The following CDH20 variants were observed in gnomAD, a reference collection of about 807,000 sequenced individuals.
CDH20 encodes cadherin-20.
A neutral mutation model predicts 74.2 loss-of-function variants in CDH20; 29 were observed. The observed-to-expected ratio is 0.39, with a 90% CI of 0.29 to 0.53. The LOEUF (loss-of-function observed/expected upper bound fraction) is 0.53, where lower values mean the gene tolerates loss of function less well. Ranked by LOEUF, CDH20 falls within the 20% of genes least tolerant of loss-of-function variation. The pLI is 0.69. For synonymous variants in CDH20, 469 were observed against 405.4 expected, an observed-to-expected ratio of 1.16 and a Z score of -1.88; for missense variants, 988 against 1,048.3, an observed-to-expected ratio of 0.94 and a Z score of 0.79.
rs1408280292 is a variant in CDH20, at chr18:61,368,491, G to T, written c.-153+34664G>T. Among the ~76,000 whole-genome samples, 4 of 151,466 alleles carry T rather than the reference G, an allele frequency of 2.6e-5. No homozygotes were observed. The East Asian group carries it at 7.8e-4, about 29-fold the overall frequency. Reference sequence around the variant, plus strand: ...ACAGACTGACAACATATGTTTGGGGGTAAATAGATATTTTTACAAATCACA... The same window carrying T: ...ACAGACTGACAACATATGTTTGGGGTTAAATAGATATTTTTACAAATCACA... On this transcript the variant is annotated intron_variant, in intron 1 of 11. Transcript: ENST00000262717.
At chr18:61,434,150 A>T (rs866561312) in intron 1 of CDH20, among the ~76,000 whole-genome samples, 126 of 152,272 alleles carry the variant, frequency 8.3e-4, no homozygotes, top group African/African-American at 2.9e-3. Context: ...ATTCTATATG[A>T]AAAGAAAATC....
chr18:61,492,435 G>A (rs1910991536), intron 2 of CDH20, among the ~76,000 whole-genome samples: 1 of 151,884 alleles, frequency 6.6e-6, no homozygotes, highest in African/African-American at 2.4e-5. Flanking sequence ...TAAAATTTAA[G>A]TCACATCATG....
chr18:61,413,705 T>C (rs1048149302), intron 1 of CDH20, among the ~76,000 whole-genome samples: 3 of 151,136 alleles, frequency 2.0e-5, no homozygotes, highest in South Asian at 2.1e-4. Flanking sequence ...AACCTATTGG[T>C]GGAAATGTTA....
rs377173155 is a variant in CDH20, at chr18:61,551,185, A to G, written c.1900+956A>G. On this transcript the variant is annotated intron_variant, in intron 11 of 11. Transcript: ENST00000262717. ...ATTCCACACTCAAAAACAGTGAAAT[A>G]AAAACACCTAAACCAACTCTTGCAA... is the stretch of plus-strand genomic sequence containing the variant. Among the ~76,000 whole-genome samples the G allele has an allele frequency of 4.6e-5, 7 of 152,226 alleles. No homozygotes were observed. In the South Asian group the frequency reaches 6.2e-4, roughly 13 times the overall value.
chr18:61,488,928 G>T (rs1910861404), intron 1 of CDH20, among the ~76,000 whole-genome samples: 2 of 152,186 alleles, frequency 1.3e-5, no homozygotes, highest in South Asian at 4.2e-4. Context: ...TCCAAAGAGA[G>T]AGAGAACAGC....
chr18:61,549,848 T>C, intron 10 of CDH20, 130 bp from the exon 11 acceptor site: 2 of 967,980 alleles, frequency 2.1e-6, no homozygotes, highest in Non-Finnish European at 3.1e-6. Flanking sequence ...CCGCCATGGT[T>C]GACCACTACC....
chr18:61,487,251 C>T (rs1388385437), intron 1 of CDH20, among the ~76,000 whole-genome samples: 1 of 152,172 alleles, frequency 6.6e-6, no homozygotes, highest in Non-Finnish European at 1.5e-5. Flanking sequence ...CCACCCCAAA[C>T]ACATTATTGC....
intron 1 of CDH20, among the ~76,000 whole-genome samples, chr18:61,432,005 G>C (rs1364585129): frequency 2.0e-5 from 3 of 152,062 alleles, no homozygotes; most frequent in Non-Finnish European, 4.4e-5. Flanking sequence ...GGGATGTCGA[G>C]GCGGGCAGAT....
chr18:61,407,537 C>G (rs1026911778), intron 1 of CDH20, among the ~76,000 whole-genome samples: 2 of 152,118 alleles, frequency 1.3e-5, no homozygotes, highest in Non-Finnish European at 2.9e-5. Flanking sequence ...CCAAATTACG[C>G]AGGATCTTAG....
At chr18:61,539,241 C>T (rs1163124220) in intron 9 of CDH20, 96 bp downstream of exon 9, 1 of 1,229,788 alleles carries the variant, frequency 8.1e-7, no homozygotes, top group African/African-American at 1.5e-5. Flanking sequence ...ATTTTGACTC[C>T]AGAAACGAAC....
At chr18:61,510,061 C>T (rs545974809) in intron 6 of CDH20, among the ~76,000 whole-genome samples, 118 of 152,164 alleles carry the variant, frequency 7.8e-4, no homozygotes, top group African/African-American at 2.8e-3. Flanking sequence ...CAAGTAGAGA[C>T]ATGTCATGGC....
chr18:61,548,015 T>C (rs759176247), intron 10 of CDH20, among the ~76,000 whole-genome samples: 12 of 151,324 alleles, frequency 7.9e-5, no homozygotes, highest in Non-Finnish European at 1.3e-4. Context: ...ACCAAAAAAA[T>C]AAAAAAAAAG....
At chr18:61,434,251 T>C (rs1908754634) in intron 1 of CDH20, among the ~76,000 whole-genome samples, 1 of 152,112 alleles carries the variant, frequency 6.6e-6, no homozygotes, top group Admixed American at 6.5e-5. Context: ...AAGTCCACGA[T>C]GGGGCCAACT....
At chr18:61,370,541 T>C (rs977918051) in intron 1 of CDH20, among the ~76,000 whole-genome samples, 1 of 152,130 alleles carries the variant, frequency 6.6e-6, no homozygotes, top group African/African-American at 2.4e-5. Context: ...ATGTGATGTT[T>C]GGTAAACACA....
rs1352097624 is a variant in CDH20, at chr18:61,528,262, T to C, written c.1271+42T>C. ...CACCTTTTCCTTATATGCTGGAATC[T>C]TCCCTTCCCTTGTATGTAATTTTCT... On this transcript the variant is annotated intron_variant, in intron 7 of 11. Coordinates refer to ENST00000262717, the MANE Select transcript of CDH20 (RefSeq NM_031891.4). 3 of 1,591,910 alleles carry C rather than the reference T, an allele frequency of 1.9e-6. No homozygotes were observed. The African/African-American group carries it at 4.0e-5, about 21-fold the overall frequency.
intron 1 of CDH20, among the ~76,000 whole-genome samples, chr18:61,391,987 T>C (rs1174053906): frequency 1.3e-5 from 2 of 152,096 alleles, no homozygotes; most frequent in African/African-American, 4.8e-5. Flanking sequence ...CTCCTGTTGA[T>C]CTTCCACACT....
At chr18:61,544,223 C>T (rs546101605) in intron 9 of CDH20, among the ~76,000 whole-genome samples, 17 of 152,302 alleles carry the variant, frequency 1.1e-4, no homozygotes, top group African/African-American at 3.4e-4. Context: ...AGCATGCAGA[C>T]GGGCAGGTGC....
chr18:61,463,323 C>A (rs1909851676), intron 1 of CDH20, among the ~76,000 whole-genome samples: 1 of 152,176 alleles, frequency 6.6e-6, no homozygotes, highest in African/African-American at 2.4e-5. Context: ...CAACTACCTC[C>A]CTCATCCTCC....
At chr18:61,419,018 T>A (rs1912790703) in intron 1 of CDH20, among the ~76,000 whole-genome samples, 1 of 152,222 alleles carries the variant, frequency 6.6e-6, no homozygotes, top group African/African-American at 2.4e-5. Flanking sequence ...AACTGCTGCA[T>A]GGTATTCCAT....
Sources: gnomAD v4.1 joint callset for allele counts (sites outside exome capture counted in the v4.1 genomes callset) on GRCh38, gnomAD v4.1.1 for gene constraint, MANE v1.5 for transcripts, NCBI Gene and HGNC (gene_info 2026-07-23, HGNC 2026-07-21) for gene names.